Variants in PTPN4 observed in about 807,000 individuals in gnomAD.
The protein encoded by PTPN4 is protein tyrosine phosphatase non-receptor type 4.
Under a neutral mutation model 135.5 loss-of-function variants are expected in PTPN4, and 49 were observed. The observed-to-expected ratio is 0.36, with a 90% CI of 0.29 to 0.46. The LOEUF (loss-of-function observed/expected upper bound fraction) is 0.46, where lower values mean the gene tolerates loss of function less well. Ranked by LOEUF, PTPN4 falls within the 20% of genes least tolerant of loss-of-function variation. PTPN4 has a pLI of 1.00. For synonymous variants in PTPN4, 333 were observed against 369.9 expected, an observed-to-expected ratio of 0.90 and a Z score of 1.14; for missense variants, 860 against 1,101.0, an observed-to-expected ratio of 0.78 and a Z score of 3.10.
chr2:119,973,655 G>GTTTTTTTTTTTTTTTTTTTTTTTTTTTT lies in PTPN4; in HGVS notation c.2695-3302_2695-3301insTTTTTTTTTTTTTTTTTTTTTTTTTTTT, dbSNP rs70949378. 4.9e-4 allele frequency among the ~76,000 whole-genome samples: 19 copies of GTTTTTTTTTTTTTTTTTTTTTTTTTTTT among 38,394 alleles called. 3 individuals are homozygous for GTTTTTTTTTTTTTTTTTTTTTTTTTTTT. The highest frequency in any genetic ancestry group is 6.3e-4 in the African/African-American group (5 of 7,952). The allele number at this position is 38,394 out of a possible 152,430, so 25.2% of individuals were successfully genotyped here. A position where few individuals can be genotyped will look rare whatever the true frequency, so the allele number is the denominator to read the frequency against. ...TTGAAAGCTTCCTCCTTCATTTCTT[G>GTTTTTTTTTTTTTTTTTTTTTTTTTTTT]TTTTTTTTTTTTTTTTTTTTTTTTT... On this transcript the variant is annotated intron_variant, in intron 26 of 26. Coordinates refer to ENST00000263708, the MANE Select transcript of PTPN4 (RefSeq NM_002830.4).
intron 26 of PTPN4, among the ~76,000 whole-genome samples, chr2:119,971,970 C>G (rs1679540585): frequency 6.6e-6 from 1 of 152,176 alleles, no homozygotes; most frequent in African/African-American, 2.4e-5. Context: ...GAGTTTATTT[C>G]TAGACTTCCA....
chr2:119,791,179 G>C (rs1046207157), intron 1 of PTPN4: 1 of 148,194 alleles, frequency 6.7e-6, no homozygotes, highest in Non-Finnish European at 1.5e-5. Flanking sequence ...GTCTGGGTTG[G>C]AGTGCAGTGG....
At chr2:119,943,471 T>A (rs1679087987) in intron 15 of PTPN4, among the ~76,000 whole-genome samples, 2 of 152,046 alleles carry the variant, frequency 1.3e-5, no homozygotes, top group Admixed American at 6.5e-5. Context: ...CTCTACCTTA[T>A]CTTCATTCTG....
rs55956611 is a variant in PTPN4 at position 119,793,846 on chromosome 2, G to GTT, written c.-17-15963_-17-15962dup. Among the ~76,000 whole-genome samples, 25 of 24,800 alleles carry GTT rather than the reference G, an allele frequency of 1.0e-3. 4 individuals are homozygous for GTT. Among genetic ancestry groups the GTT allele is most frequent in the African/African-American group, 4.3e-3 (23 of 5,410 alleles). 16.3% of individuals were successfully genotyped at this position (24,800 alleles called of 152,430 possible). The stretch of plus-strand genomic sequence containing the variant: ...AGTTTGTTTATTTGTTTCATTTTTA[G>GTT]TTTTTTTTTTTTTTTTTTTTTTTTT... On this transcript the variant is annotated intron_variant, in intron 1 of 26. Transcript: ENST00000263708.
At chr2:119,794,519 G>A (rs1425209822) in intron 1 of PTPN4, among the ~76,000 whole-genome samples, 6 of 152,208 alleles carry the variant, frequency 3.9e-5, no homozygotes, top group Non-Finnish European at 7.3e-5. Context: ...TCTGTGCAAG[G>A]CTGTTGCTGG....
At chr2:119,862,133 C>G (rs988513078) in intron 2 of PTPN4, among the ~76,000 whole-genome samples, 2 of 152,002 alleles carry the variant, frequency 1.3e-5, no homozygotes, top group African/African-American at 4.8e-5. Context: ...AAAAAAATAT[C>G]GTGATAGCCT....
chr2:119,960,856 G>A lies in PTPN4; in HGVS notation c.2183G>A (p.Gly728Glu). The A allele has an allele frequency of 6.2e-7, 1 of 1,613,512 alleles. No homozygotes were observed. The highest frequency in any genetic ancestry group is 8.5e-7 in the Non-Finnish European group (1 of 1,179,762). The change falls in exon 23 of 27, where the codon GGG becomes GAG. Residue 728 changes from glycine to glutamate, a missense_variant. By Grantham distance (98) the Gly-to-Glu change is moderately conservative. Coordinates refer to ENST00000263708, the MANE Select transcript of PTPN4 (RefSeq NM_002830.4). ...SIINQYIACQ[G>E]PLPHTCTDFW... ...ATAAATCAGTACATTGCTTGTCAAG[G>A]GCCATTACCACACACTTGTACAGAT...
intron 25 of PTPN4, among the ~76,000 whole-genome samples, chr2:119,966,583 T>C (rs1232043494): frequency 1.3e-5 from 2 of 152,118 alleles, no homozygotes; most frequent in Admixed American, 1.3e-4. Flanking sequence ...TATTATCACA[T>C]TGGTGATTAA....
Position 119,967,987 on chromosome 2 carries a change from T to TTA in PTPN4, c.2694+20_2694+21dup. On this transcript the variant is annotated intron_variant, in intron 26 of 26. Transcript: ENST00000263708. ...TCCAAACACCTGTGAGTACTGTACT[T>TTA]TATATACAAGTGTATATTCTTAACA... The TTA allele has an allele frequency of 6.4e-7, 1 of 1,550,906 alleles. No homozygotes were observed. The highest frequency in any genetic ancestry group is 1.4e-5 in the African/African-American group (1 of 73,340).
intron 1 of PTPN4, among the ~76,000 whole-genome samples, chr2:119,790,553 A>T (rs1249139530): frequency 6.6e-6 from 1 of 151,768 alleles, no homozygotes; most frequent in Non-Finnish European, 1.5e-5. Flanking sequence ...ATTTATATAT[A>T]TTTTTATATT....
rs529294080 is a variant in PTPN4 at position 119,911,515 on chromosome 2, G to A, written c.765-3664G>A. ...ACAAGGCACTTTCTATTTTGATTAA[G>A]GGCATCTACAAAAAATCTGCTAATA... On this transcript the variant is annotated intron_variant, in intron 10 of 26. Coordinates refer to ENST00000263708, the MANE Select transcript of PTPN4 (RefSeq NM_002830.4). Among the ~76,000 whole-genome samples the A allele has an allele frequency of 8.2e-4, 125 of 152,072 alleles. No homozygotes were observed. The Middle Eastern group carries it at 0.02, about 25-fold the overall frequency.
chr2:119,901,694 A>G (rs1323443146), intron 10 of PTPN4, among the ~76,000 whole-genome samples: 1 of 152,228 alleles, frequency 6.6e-6, no homozygotes, highest in Non-Finnish European at 1.5e-5. Flanking sequence ...AATTTAAAAT[A>G]ACTGTAATTA....
chr2:119,840,026 T>A (rs186696554), intron 2 of PTPN4, among the ~76,000 whole-genome samples: 2 of 152,382 alleles, frequency 1.3e-5, no homozygotes. Flanking sequence ...AACACTTTTT[T>A]ATTTAAATAC....
chr2:119,899,891 T>C (rs1574394866), intron 9 of PTPN4, among the ~76,000 whole-genome samples: 1 of 152,270 alleles, frequency 6.6e-6, no homozygotes, highest in Non-Finnish European at 1.5e-5. Context: ...TATAAAGTAT[T>C]TGTTCTAGGA....
intron 10 of PTPN4, among the ~76,000 whole-genome samples, chr2:119,913,781 C>T (rs1403862431): frequency 6.6e-6 from 1 of 151,998 alleles, no homozygotes; most frequent in Non-Finnish European, 1.5e-5. Context: ...AATCTTTATA[C>T]TGTTTACAAG....
chr2:119,874,978 C>T (rs963662469), intron 3 of PTPN4, among the ~76,000 whole-genome samples: 1 of 152,018 alleles, frequency 6.6e-6, no homozygotes, highest in Non-Finnish European at 1.5e-5. Flanking sequence ...AAATAATAAC[C>T]CAATGTAGAT....
At chr2:119,867,452 G>A (rs1677849566) in intron 3 of PTPN4, among the ~76,000 whole-genome samples, 1 of 152,074 alleles carries the variant, frequency 6.6e-6, no homozygotes. Context: ...GGTAAATCAA[G>A]GTTACTACTT....
chr2:119,816,713 G>C (rs928297079), intron 2 of PTPN4, among the ~76,000 whole-genome samples: 1 of 152,208 alleles, frequency 6.6e-6, no homozygotes, highest in Non-Finnish European at 1.5e-5. Flanking sequence ...CTTATGTCCA[G>C]TCTACTCCAT....
chr2:119,841,200 T>A (rs1270915832), intron 2 of PTPN4, among the ~76,000 whole-genome samples: 1 of 152,170 alleles, frequency 6.6e-6, no homozygotes, highest in Non-Finnish European at 1.5e-5. Flanking sequence ...TTGAAAAATA[T>A]TTTTTCTCAT....
Sources: gnomAD v4.1 joint callset for allele counts (sites outside exome capture counted in the v4.1 genomes callset) on GRCh38, gnomAD v4.1.1 for gene constraint, MANE v1.5 for transcripts, NCBI Gene and HGNC (gene_info 2026-07-23, HGNC 2026-07-21) for gene names.